SLC24A3: variants seen among roughly 807,000 people sequenced by gnomAD.
SLC24A3 encodes the protein solute carrier family 24 member 3.
Under a neutral mutation model 75.8 loss-of-function variants are expected in SLC24A3, and 28 were observed. That is an observed-to-expected ratio of 0.37 (90% CI 0.27 to 0.51). SLC24A3 has a LOEUF of 0.51. Ranked by LOEUF, SLC24A3 falls within the 20% of genes least tolerant of loss-of-function variation. The probability of loss-of-function intolerance (pLI) is 0.94; values close to 1 mark genes in which losing one functional copy is unlikely to be tolerated. For missense variants in SLC24A3, 663 were observed against 847.8 expected, an observed-to-expected ratio of 0.78 and a Z score of 2.71; for synonymous variants, 372 against 334.1, an observed-to-expected ratio of 1.11 and a Z score of -1.24.
chr20:19,387,026 G>A (rs965468790), intron 2 of SLC24A3, among the ~76,000 whole-genome samples: 4 of 152,032 alleles, frequency 2.6e-5, no homozygotes, highest in African/African-American at 9.7e-5. Context: ...CTCCTTACTC[G>A]TTATTGGTCT....
intron 8 of SLC24A3, among the ~76,000 whole-genome samples, chr20:19,666,994 C>A (rs1177083796): frequency 6.6e-6 from 1 of 152,116 alleles, no homozygotes; most frequent in African/African-American, 2.4e-5. Context: ...TAGGAATAGG[C>A]GTAGGTAGAA....
intron 1 of SLC24A3, among the ~76,000 whole-genome samples, chr20:19,262,179 G>C (rs910551614): frequency 6.6e-6 from 1 of 151,948 alleles, no homozygotes; most frequent in African/African-American, 2.4e-5. Context: ...CGAGGCGGGC[G>C]GATCACGAGG....
At chr20:19,720,405 C>T (rs186497114) in intron 16 of SLC24A3, among the ~76,000 whole-genome samples, 237 of 152,252 alleles carry the variant, frequency 1.6e-3, no homozygotes, top group Non-Finnish European at 2.5e-3. Context: ...CAAGGATAGG[C>T]AGTGGCCGGG....
intron 2 of SLC24A3, among the ~76,000 whole-genome samples, chr20:19,403,516 C>A (rs1986588585): frequency 6.6e-6 from 1 of 152,122 alleles, no homozygotes; most frequent in Non-Finnish European, 1.5e-5. Flanking sequence ...AAGAACAGAC[C>A]TCTGACCAAT....
chr20:19,352,354 G>A (rs917521801), intron 2 of SLC24A3, among the ~76,000 whole-genome samples: 7 of 152,066 alleles, frequency 4.6e-5, no homozygotes, highest in Non-Finnish European at 1.0e-4. Flanking sequence ...CTGGCACTGC[G>A]GTACCAACCA....
At chr20:19,359,349 A>G (rs1985745471) in intron 2 of SLC24A3, among the ~76,000 whole-genome samples, 1 of 152,178 alleles carries the variant, frequency 6.6e-6, no homozygotes, top group Non-Finnish European at 1.5e-5. Flanking sequence ...AGATTCCAGG[A>G]AATATTTCCT....
chr20:19,667,062 G>C (rs1210421760), intron 8 of SLC24A3, among the ~76,000 whole-genome samples: 3 of 152,178 alleles, frequency 2.0e-5, no homozygotes, highest in South Asian at 2.1e-4. Flanking sequence ...AGTCCACCAG[G>C]CTTCACTTTC....
At chr20:19,498,208 A>G (rs1988325297) in intron 2 of SLC24A3, among the ~76,000 whole-genome samples, 1 of 152,136 alleles carries the variant, frequency 6.6e-6, no homozygotes, top group Non-Finnish European at 1.5e-5. Flanking sequence ...GCTCCCACTG[A>G]TTCTACATGG....
chr20:19,430,901 G>A (rs1219649669), intron 2 of SLC24A3, among the ~76,000 whole-genome samples: 27 of 152,096 alleles, frequency 1.8e-4, no homozygotes, highest in Admixed American at 1.8e-3. Context: ...ACTCCATCCT[G>A]CCTGTTTTGA....
chr20:19,363,392 C>G, intron 2 of SLC24A3, among the ~76,000 whole-genome samples: 1 of 152,212 alleles, frequency 6.6e-6, no homozygotes, highest in East Asian at 1.9e-4. Flanking sequence ...ATGCAGATAT[C>G]TAAGTTCTAA....
intron 2 of SLC24A3, among the ~76,000 whole-genome samples, chr20:19,413,381 G>A (rs1446667387): frequency 6.6e-6 from 1 of 152,156 alleles, no homozygotes; most frequent in Non-Finnish European, 1.5e-5. Context: ...CTGGTCTCTA[G>A]GACAGTGGAA....
chr20:19,425,388 CTTTG>C (rs1226726193), intron 2 of SLC24A3, among the ~76,000 whole-genome samples: 3 of 151,964 alleles, frequency 2.0e-5, no homozygotes, highest in Non-Finnish European at 1.5e-5. Context: ...GTTACTGTTG[CTTTG>C]TTTTTCTTGA....
chr20:19,424,645 G>A (rs1986968943), intron 2 of SLC24A3, among the ~76,000 whole-genome samples: 2 of 150,362 alleles, frequency 1.3e-5, no homozygotes, highest in Admixed American at 1.3e-4. Context: ...AAGAGCCTAG[G>A]TTGTGGAGCC....
chr20:19,258,704 A>T (rs904854712), intron 1 of SLC24A3, among the ~76,000 whole-genome samples: 1 of 152,168 alleles, frequency 6.6e-6, no homozygotes, highest in African/African-American at 2.4e-5. Flanking sequence ...TCTGTCTCCA[A>T]ATAAAAGAAA....
At chr20:19,515,632 C>T in intron 3 of SLC24A3, 68 bp downstream of exon 3, 7 of 1,493,282 alleles carry the variant, frequency 4.7e-6, no homozygotes, top group Non-Finnish European at 6.5e-6. Context: ...GGGTGTGGCA[C>T]CTGAGGTGCC....
intron 2 of SLC24A3, among the ~76,000 whole-genome samples, chr20:19,448,377 T>G (rs554730653): frequency 6.6e-6 from 1 of 152,374 alleles, no homozygotes; most frequent in Non-Finnish European, 1.5e-5. Flanking sequence ...ATAGTCTTTA[T>G]AATTCACATT....
chr20:19,226,991 C>G (rs1458394447), intron 1 of SLC24A3, among the ~76,000 whole-genome samples: 2 of 152,100 alleles, frequency 1.3e-5, no homozygotes, highest in Non-Finnish European at 2.9e-5. Context: ...GGTTGGATTT[C>G]TAAAGGTGGT....
At chr20:19,705,719 T>C (rs1213247013) in intron 15 of SLC24A3, among the ~76,000 whole-genome samples, 1 of 152,120 alleles carries the variant, frequency 6.6e-6, no homozygotes, top group African/African-American at 2.4e-5. Flanking sequence ...TTTCATCTCA[T>C]CTAGATGGGA....
At chr20:19,550,643 G>C (rs1001808941) in intron 3 of SLC24A3, among the ~76,000 whole-genome samples, 1 of 152,116 alleles carries the variant, frequency 6.6e-6, no homozygotes, top group Non-Finnish European at 1.5e-5. Flanking sequence ...CTAGGTTTTC[G>C]GCCAAGATAT....
Sources: gnomAD v4.1 joint callset for allele counts (sites outside exome capture counted in the v4.1 genomes callset) on GRCh38, gnomAD v4.1.1 for gene constraint, MANE v1.5 for transcripts, NCBI Gene and HGNC (gene_info 2026-07-23, HGNC 2026-07-21) for gene names.